The following LRRC31 variants were observed in gnomAD, a reference collection of about 807,000 sequenced individuals.
The protein encoded by LRRC31 is leucine rich repeat containing 31.
LRRC31 carries 35 observed loss-of-function variants against 46.7 expected under a neutral mutation model. That is an observed-to-expected ratio of 0.75 (90% CI 0.57 to 0.99). The LOEUF is 0.99. Ranked by LOEUF, LRRC31 falls within the 50% of genes least tolerant of loss-of-function variation. The pLI is 0.00. For synonymous variants in LRRC31, 236 were observed against 235.1 expected, an observed-to-expected ratio of 1.00 and a Z score of -0.03; for missense variants, 613 against 626.1, an observed-to-expected ratio of 0.98 and a Z score of 0.22.
chr3:169,847,598 T>C (rs941924333), intron 8 of LRRC31, among the ~76,000 whole-genome samples: 2 of 152,262 alleles, frequency 1.3e-5, no homozygotes, highest in African/African-American at 4.8e-5. Flanking sequence ...AGGGTCAGAT[T>C]GTTACTACAG....
At chr3:169,855,410 G>A (rs868590349) in intron 5 of LRRC31, among the ~76,000 whole-genome samples, 5 of 152,160 alleles carry the variant, frequency 3.3e-5, no homozygotes, top group African/African-American at 2.4e-5. Flanking sequence ...CTGTGAACCC[G>A]ACCATGATTT....
chr3:169,864,001 A>AGTGTGTGTGTGTGTGTGTGT (rs35795931), intron 1 of LRRC31, among the ~76,000 whole-genome samples: 9 of 148,618 alleles, frequency 6.1e-5, no homozygotes, highest in African/African-American at 2.2e-4. Flanking sequence ...TCCAAAGCCT[A>AGTGTGTGTGTGTGTGTGTGT]GTGTGTGTGT....
intron 1 of LRRC31, among the ~76,000 whole-genome samples, chr3:169,865,457 G>A (rs1576803838): frequency 1.1e-5 from 1 of 89,386 alleles, no homozygotes; most frequent in Non-Finnish European, 2.8e-5. Flanking sequence ...TCTGAACAAA[G>A]CTCTCGGTTC....
intron 1 of LRRC31, 134 bp downstream of exon 1, chr3:169,869,499 T>G: frequency 1.6e-6 from 1 of 624,272 alleles, no homozygotes; most frequent in Non-Finnish European, 2.5e-6. Context: ...ATGCCTGTAT[T>G]GAAACATCTC....
chr3:169,839,950 G>C lies in LRRC31; in HGVS notation c.*32C>G. 6.5e-7 allele frequency: 1 copy of C among 1,542,880 alleles called. No homozygotes were observed. The highest frequency in any genetic ancestry group is 1.2e-5 in the South Asian group (1 of 82,296). On this transcript the variant is annotated 3_prime_UTR_variant, in exon 9 of 9. Transcript: ENST00000316428. ...TCATGTTCTTTTCCTTTGGAGAATG[G>C]TTTGTAGCTTAGTAGGACATGGGAA...
At chr3:169,846,094 A>G (rs1351990483) in intron 8 of LRRC31, among the ~76,000 whole-genome samples, 1 of 152,248 alleles carries the variant, frequency 6.6e-6, no homozygotes, top group Non-Finnish European at 1.5e-5. Context: ...AAATGAAAAT[A>G]CACACATAAA....
intron 8 of LRRC31, among the ~76,000 whole-genome samples, chr3:169,840,903 T>C (rs1363179749): frequency 6.6e-6 from 1 of 152,104 alleles, no homozygotes; most frequent in East Asian, 1.9e-4. Flanking sequence ...AATAAATAAG[T>C]TAATGATGAA....
intron 8 of LRRC31, among the ~76,000 whole-genome samples, chr3:169,844,547 A>G (rs1482626332): frequency 6.6e-6 from 1 of 152,220 alleles, no homozygotes; most frequent in Non-Finnish European, 1.5e-5. Context: ...AAGCAAGGCA[A>G]GAATGCTCTC....
At chr3:169,852,309 A>G (rs945571639) in intron 6 of LRRC31, among the ~76,000 whole-genome samples, 57 of 149,488 alleles carry the variant, frequency 3.8e-4, no homozygotes, top group Admixed American at 1.0e-3. Context: ...AGGCTGAGAC[A>G]GGAGAATGGC....
chr3:169,857,140 A>G (rs1780974983), intron 3 of LRRC31, among the ~76,000 whole-genome samples: 1 of 151,188 alleles, frequency 6.6e-6, no homozygotes, highest in Non-Finnish European at 1.5e-5. Flanking sequence ...AGAAAAATCC[A>G]CCTATTGGTA....
At chr3:169,862,270 C>A (rs963156415) in intron 1 of LRRC31, among the ~76,000 whole-genome samples, 3 of 152,166 alleles carry the variant, frequency 2.0e-5, no homozygotes, top group Non-Finnish European at 4.4e-5. Flanking sequence ...AATGGCCACA[C>A]GGAGTAAGTG....
chr3:169,858,957 G>T (rs1781056206), intron 3 of LRRC31, among the ~76,000 whole-genome samples: 1 of 114,924 alleles, frequency 8.7e-6, no homozygotes, highest in African/African-American at 3.4e-5. Flanking sequence ...AGTGAGCCAA[G>T]ATTGCACCAC....
At chr3:169,866,248 G>A (rs1407420929) in intron 1 of LRRC31, among the ~76,000 whole-genome samples, 2 of 152,174 alleles carry the variant, frequency 1.3e-5, no homozygotes, top group Admixed American at 1.3e-4. Context: ...CCAGGCAAGA[G>A]ACAATGAGAG....
chr3:169,845,136 A>G (rs538090062), intron 8 of LRRC31, among the ~76,000 whole-genome samples: 1 of 152,186 alleles, frequency 6.6e-6, no homozygotes, highest in Admixed American at 6.5e-5. Flanking sequence ...ATCTTTTATA[A>G]GAGAACAAAA....
intron 3 of LRRC31, among the ~76,000 whole-genome samples, chr3:169,860,216 T>C (rs73176470): frequency 0.088 from 13,415 of 151,922 alleles, 613 homozygotes; most frequent in Middle Eastern, 0.11. Context: ...CTTGTTCTTT[T>C]TTTTCTTTTC....
intron 7 of LRRC31, among the ~76,000 whole-genome samples, chr3:169,851,272 G>A (rs889341856): frequency 6.6e-6 from 1 of 152,098 alleles, no homozygotes; most frequent in Non-Finnish European, 1.5e-5. Context: ...AATTAGTCAG[G>A]TATGGTGACG....
intron 8 of LRRC31, among the ~76,000 whole-genome samples, chr3:169,841,428 A>G (rs1780444748): frequency 6.6e-6 from 1 of 152,152 alleles, no homozygotes; most frequent in Non-Finnish European, 1.5e-5. Context: ...TCACTTGCCA[A>G]CAGTTTGATT....
At chr3:169,865,653 G>A (rs1177579228) in intron 1 of LRRC31, among the ~76,000 whole-genome samples, 2 of 152,158 alleles carry the variant, frequency 1.3e-5, no homozygotes, top group African/African-American at 2.4e-5. Flanking sequence ...GAAAGCCACC[G>A]TTACCGTATA....
intron 3 of LRRC31, among the ~76,000 whole-genome samples, chr3:169,859,708 T>G (rs1017408969): frequency 6.6e-6 from 1 of 152,164 alleles, no homozygotes; most frequent in East Asian, 1.9e-4. Context: ...GTTTAATGTT[T>G]CAAAATGTGG....
Sources: gnomAD v4.1 joint callset for allele counts (sites outside exome capture counted in the v4.1 genomes callset) on GRCh38, gnomAD v4.1.1 for gene constraint, MANE v1.5 for transcripts, NCBI Gene and HGNC (gene_info 2026-07-23, HGNC 2026-07-21) for gene names.